ARHGEF9: variants seen among roughly 807,000 people sequenced by gnomAD.
ARHGEF9 encodes Cdc42 guanine nucleotide exchange factor 9.
In ARHGEF9, 2 loss-of-function variants were observed where a neutral mutation model predicts 41.3. The observed-to-expected ratio is 0.05, with a 90% CI of 0.02 to 0.15. The LOEUF is 0.15. Among genes scored for constraint, ARHGEF9 ranks in the 10% least tolerant of loss-of-function variants. The probability of loss-of-function intolerance (pLI) is 1.00; values close to 1 mark genes in which losing one functional copy is unlikely to be tolerated. For missense variants in ARHGEF9, 225 were observed against 424.7 expected, an observed-to-expected ratio of 0.53 and a Z score of 4.13; for synonymous variants, 160 against 154.4, an observed-to-expected ratio of 1.04 and a Z score of -0.27.
chrX:63,765,075 C>A (rs1320548646), intron 1 of ARHGEF9, among the ~76,000 whole-genome samples: 12 of 111,452 alleles, frequency 1.1e-4, no homozygotes, highest in African/African-American at 3.9e-4. Flanking sequence ...CCCCAGCATT[C>A]CAAATGAGAT....
intron 4 of ARHGEF9, among the ~76,000 whole-genome samples, chrX:63,693,989 C>A: frequency 9.0e-6 from 1 of 110,638 alleles, no homozygotes. Flanking sequence ...TTGAGACCAG[C>A]CTGGCCAACA....
intron 1 of ARHGEF9, among the ~76,000 whole-genome samples, chrX:63,729,391 G>T (rs368189974): frequency 9.0e-6 from 1 of 111,639 alleles, no homozygotes; most frequent in East Asian, 2.8e-4. Flanking sequence ...AAAACTAAAA[G>T]AAGCTGTTAG....
intron 1 of ARHGEF9, among the ~76,000 whole-genome samples, chrX:63,775,495 A>T (rs2056278423): frequency 8.9e-6 from 1 of 112,555 alleles, no homozygotes; most frequent in Admixed American, 9.4e-5. Flanking sequence ...CTACACAGCC[A>T]TAAAAACGCG....
chrX:63,672,805 C>T (rs1216964326), intron 6 of ARHGEF9, among the ~76,000 whole-genome samples: 1 of 111,452 alleles, frequency 9.0e-6, no homozygotes, highest in Non-Finnish European at 1.9e-5. Flanking sequence ...AGTTGATGGG[C>T]TTGCTAGAAG....
Position 63,691,297 on chromosome X carries a change from G to T in ARHGEF9, c.582+5828C>A, listed in dbSNP as rs183566994. Among the ~76,000 whole-genome samples the T allele has an allele frequency of 8.8e-3, 979 of 111,167 alleles. 6 individuals carry two copies. The highest frequency in any genetic ancestry group is 0.015 in the Non-Finnish European group (787 of 52,838). On this transcript the variant is annotated intron_variant, in intron 4 of 9. Transcript: ENST00000671741. ...ATCAACAAATTCAGTAAAGTTGCAG[G>T]ATACAAAATCAACATACAAAAAGCA...
chrX:63,784,698 C>T (rs1436808330), intron 1 of ARHGEF9, among the ~76,000 whole-genome samples: 1 of 111,084 alleles, frequency 9.0e-6, no homozygotes, highest in Non-Finnish European at 1.9e-5. Context: ...AAGGCCCCCT[C>T]CACAATTCCA....
Position 63,662,724 on chromosome X carries a change from T to C in ARHGEF9, c.1077+3162A>G, listed in dbSNP as rs147395148. Among the ~76,000 whole-genome samples the C allele has an allele frequency of 1.1e-3, 118 of 112,127 alleles. 1 individual carries two copies. In the East Asian group the frequency reaches 0.025, roughly 24 times the overall value. On this transcript the variant is annotated intron_variant, in intron 7 of 9. Coordinates refer to ENST00000671741, the MANE Select transcript of ARHGEF9 (RefSeq NM_001353921.2). Reference sequence around the variant, plus strand: ...TAATAATAGTACCTACCTCATAGGTTTGTTGTGAGGATTAAATTGAGTTAA... The same window carrying C: ...TAATAATAGTACCTACCTCATAGGTCTGTTGTGAGGATTAAATTGAGTTAA...
At chrX:63,719,382 G>A (rs782207231) in intron 2 of ARHGEF9, among the ~76,000 whole-genome samples, 9 of 112,412 alleles carry the variant, frequency 8.0e-5, no homozygotes, top group African/African-American at 2.9e-4. Flanking sequence ...AGTGTTAACA[G>A]TCTTGTTAGC....
chrX:63,783,692 G>T (rs2056417784), intron 1 of ARHGEF9, among the ~76,000 whole-genome samples: 1 of 111,858 alleles, frequency 8.9e-6, no homozygotes. Flanking sequence ...GTGGCAGTCA[G>T]GAGACTCAAG....
chrX:63,680,843 T>A (rs1291911242), intron 4 of ARHGEF9, among the ~76,000 whole-genome samples: 1 of 110,451 alleles, frequency 9.1e-6, no homozygotes, highest in African/African-American at 3.3e-5. Context: ...CCTTTTGAGT[T>A]TTAGGAGAAA....
At chrX:63,730,228 A>G (rs2054201102) in intron 1 of ARHGEF9, among the ~76,000 whole-genome samples, 1 of 112,491 alleles carries the variant, frequency 8.9e-6, no homozygotes, top group Admixed American at 9.4e-5. Flanking sequence ...ATACTTGTAG[A>G]AAACATATGC....
At chrX:63,666,417 TAC>T (rs781937350) in intron 6 of ARHGEF9, among the ~76,000 whole-genome samples, 110 of 89,351 alleles carry the variant, frequency 1.2e-3, no homozygotes, top group African/African-American at 3.6e-3. Context: ...TATATATATA[TAC>T]ACACACACAC....
At chrX:63,648,639 A>G (rs185231163) in intron 8 of ARHGEF9, among the ~76,000 whole-genome samples, 1 of 111,816 alleles carries the variant, frequency 8.9e-6, no homozygotes, top group East Asian at 2.8e-4. Flanking sequence ...TGCTCCAACT[A>G]AAAGACACAG....
chrX:63,716,937 T>A (rs782094430), intron 2 of ARHGEF9, among the ~76,000 whole-genome samples: 3 of 112,325 alleles, frequency 2.7e-5, no homozygotes, highest in Non-Finnish European at 5.6e-5. Context: ...GTATATAGCA[T>A]CTTTATTAAA....
intron 3 of ARHGEF9, among the ~76,000 whole-genome samples, chrX:63,703,751 G>C (rs2052348345): frequency 1.8e-5 from 2 of 111,570 alleles, no homozygotes; most frequent in African/African-American, 6.5e-5. Context: ...GTAACAGATA[G>C]AAATAAAGCA....
chrX:63,663,397 C>A (rs188924271), intron 7 of ARHGEF9, among the ~76,000 whole-genome samples: 156 of 111,187 alleles, frequency 1.4e-3, no homozygotes, highest in South Asian at 0.013. Context: ...TATTATTTAG[C>A]CACTTCCTAG....
intron 8 of ARHGEF9, among the ~76,000 whole-genome samples, chrX:63,647,247 G>C (rs2048169954): frequency 9.0e-6 from 1 of 111,315 alleles, no homozygotes. Context: ...GATTGCCCTG[G>C]CCAGAACTTC....
At chrX:63,695,316 C>T (rs1319359094) in intron 4 of ARHGEF9, among the ~76,000 whole-genome samples, 2 of 111,979 alleles carry the variant, frequency 1.8e-5, no homozygotes, top group African/African-American at 6.5e-5. Context: ...GTACATACAT[C>T]TAGTCTTCGG....
chrX:63,734,570 T>A (rs1448908163), intron 1 of ARHGEF9, among the ~76,000 whole-genome samples: 1 of 111,839 alleles, frequency 8.9e-6, no homozygotes, highest in Non-Finnish European at 1.9e-5. Flanking sequence ...ATTGCAGGAA[T>A]TTCCTCTTAC....
Sources: gnomAD v4.1 joint callset for allele counts (sites outside exome capture counted in the v4.1 genomes callset) on GRCh38, gnomAD v4.1.1 for gene constraint, MANE v1.5 for transcripts, NCBI Gene and HGNC (gene_info 2026-07-23, HGNC 2026-07-21) for gene names.